NCKAP5: variants seen among roughly 807,000 people sequenced by gnomAD.
NCKAP5 encodes the protein nck-associated protein 5.
NCKAP5 carries 92 observed loss-of-function variants against 167.0 expected under a neutral mutation model. The observed-to-expected ratio is 0.55, with a 90% CI of 0.47 to 0.66. The LOEUF (loss-of-function observed/expected upper bound fraction) is 0.66, where lower values mean the gene tolerates loss of function less well. Ranked by LOEUF, NCKAP5 falls within the 30% of genes least tolerant of loss-of-function variation. NCKAP5 has a pLI of 0.00. For synonymous variants in NCKAP5, 891 were observed against 877.4 expected, an observed-to-expected ratio of 1.02 and a Z score of -0.27; for missense variants, 2,378 against 2,315.0, an observed-to-expected ratio of 1.03 and a Z score of -0.56.
chr2:132,987,631 G>A (rs548029801), intron 7 of NCKAP5, among the ~76,000 whole-genome samples: 24 of 152,148 alleles, frequency 1.6e-4, no homozygotes, highest in Non-Finnish European at 2.8e-4. Context: ...GAATAGAGCT[G>A]GGCCCAGAAA....
chr2:133,168,339 T>C (rs933072485), intron 5 of NCKAP5, among the ~76,000 whole-genome samples: 4 of 151,142 alleles, frequency 2.6e-5, no homozygotes, highest in African/African-American at 7.3e-5. Flanking sequence ...TCTGGAACAG[T>C]AGCATATGAC....
chr2:133,503,490 T>A (rs997609956), intron 3 of NCKAP5, among the ~76,000 whole-genome samples: 1 of 152,184 alleles, frequency 6.6e-6, no homozygotes, highest in South Asian at 2.1e-4. Context: ...TTTTATGACA[T>A]GGAGAGCTAT....
intron 8 of NCKAP5, among the ~76,000 whole-genome samples, chr2:132,943,618 GT>G (rs1697462996): frequency 1.3e-5 from 2 of 152,136 alleles, no homozygotes; most frequent in Non-Finnish European, 2.9e-5. Flanking sequence ...CGGTCATAAA[GT>G]TTTTCATTTT....
At chr2:133,336,551 T>C (rs1365834226) in intron 3 of NCKAP5, among the ~76,000 whole-genome samples, 1 of 152,106 alleles carries the variant, frequency 6.6e-6, no homozygotes, top group Non-Finnish European at 1.5e-5. Flanking sequence ...TAGAGGAAGA[T>C]GCAGGAAACC....
chr2:133,238,871 A>G (rs1175841797), intron 4 of NCKAP5, among the ~76,000 whole-genome samples: 1 of 152,226 alleles, frequency 6.6e-6, no homozygotes, highest in Non-Finnish European at 1.5e-5. Flanking sequence ...CTCATTACAA[A>G]GCAAGAGGAA....
intron 3 of NCKAP5, among the ~76,000 whole-genome samples, chr2:133,308,732 T>C (rs1424447062): frequency 1.3e-4 from 18 of 137,128 alleles, no homozygotes; most frequent in Non-Finnish European, 1.7e-4. Context: ...GACGGAGTCT[T>C]GCTCTGTCGC....
chr2:132,952,294 C>A (rs536246766), intron 8 of NCKAP5, among the ~76,000 whole-genome samples: 1 of 152,288 alleles, frequency 6.6e-6, no homozygotes, highest in South Asian at 2.1e-4. Context: ...TCTCTGAGAT[C>A]TGGGGTTTTC....
chr2:133,308,079 ATTTTTTTTTTTTTT>A (rs60111877), intron 3 of NCKAP5, among the ~76,000 whole-genome samples: 47 of 89,398 alleles, frequency 5.3e-4, no homozygotes, highest in Non-Finnish European at 7.5e-4. Context: ...TTATTGTTCT[ATTTTTTTTTTTTTT>A]TTTTTTTTTT....
At chr2:132,673,592 C>G (rs573857604) in intron 19 of NCKAP5, among the ~76,000 whole-genome samples, 6 of 152,172 alleles carry the variant, frequency 3.9e-5, no homozygotes, top group African/African-American at 1.2e-4. Flanking sequence ...GGTAAAGTGC[C>G]TTATTTTTCT....
intron 3 of NCKAP5, among the ~76,000 whole-genome samples, chr2:133,382,646 C>T (rs1032198315): frequency 6.6e-6 from 1 of 152,176 alleles, no homozygotes; most frequent in Non-Finnish European, 1.5e-5. Flanking sequence ...GTAAGGCCTC[C>T]AAGAAGCCTT....
chr2:133,578,095 T>C, the NCKAP5 span, among the ~76,000 whole-genome samples: 1 of 152,234 alleles, frequency 6.6e-6, no homozygotes, highest in Non-Finnish European at 1.5e-5. Context: ...AAGGAAACAA[T>C]GTGCTCCTAT....
the NCKAP5 span, among the ~76,000 whole-genome samples, chr2:133,607,037 T>C: frequency 6.6e-6 from 1 of 152,192 alleles, no homozygotes; most frequent in Non-Finnish European, 1.5e-5. Flanking sequence ...GAGACCATCA[T>C]TAATCCTTTT....
At chr2:132,932,946 A>G (rs529761920) in intron 8 of NCKAP5, among the ~76,000 whole-genome samples, 4 of 131,332 alleles carry the variant, frequency 3.0e-5, no homozygotes, top group East Asian at 4.4e-4. Flanking sequence ...TTTTTTTGAG[A>G]CAGAATCTCG....
intron 7 of NCKAP5, among the ~76,000 whole-genome samples, chr2:132,965,573 A>G (rs1266980146): frequency 1.3e-5 from 2 of 152,186 alleles, no homozygotes; most frequent in African/African-American, 4.8e-5. Flanking sequence ...TTATACATAT[A>G]CATATGTATA....
chr2:133,381,079 T>G (rs1360263640), intron 3 of NCKAP5, among the ~76,000 whole-genome samples: 1 of 152,208 alleles, frequency 6.6e-6, no homozygotes, highest in African/African-American at 2.4e-5. Flanking sequence ...AGAACAAGTC[T>G]GGGAAAGTAG....
chr2:132,753,065 C>A (rs1267265320), intron 16 of NCKAP5, among the ~76,000 whole-genome samples: 3 of 152,176 alleles, frequency 2.0e-5, no homozygotes, highest in Non-Finnish European at 2.9e-5. Context: ...TTAATCTCAT[C>A]CAAACACACC....
chr2:133,663,193 G>A, the NCKAP5 span, among the ~76,000 whole-genome samples: 1 of 151,622 alleles, frequency 6.6e-6, no homozygotes, highest in Non-Finnish European at 1.5e-5. Flanking sequence ...GTGAACCCGG[G>A]AAGCGGAGCT....
At chr2:132,878,982 CCATA>C in intron 8 of NCKAP5, 66 bp from the exon 9 acceptor site, 1 of 1,254,410 alleles carries the variant, frequency 8.0e-7, no homozygotes, top group East Asian at 2.3e-5. Context: ...ACAACTTATT[CCATA>C]CAGTTACTAA....
chr2:133,546,292 A>G (rs896919064), intron 2 of NCKAP5, among the ~76,000 whole-genome samples: 2 of 152,216 alleles, frequency 1.3e-5, no homozygotes, highest in African/African-American at 4.8e-5. Flanking sequence ...AAGAGTCAGG[A>G]AACTCATTAT....
Sources: gnomAD v4.1 joint callset for allele counts (sites outside exome capture counted in the v4.1 genomes callset) on GRCh38, gnomAD v4.1.1 for gene constraint, MANE v1.5 for transcripts, NCBI Gene and HGNC (gene_info 2026-07-23, HGNC 2026-07-21) for gene names.